LAMA2: variants seen among roughly 807,000 people sequenced by gnomAD.
The protein encoded by LAMA2 is laminin subunit alpha-2.
LAMA2 carries 269 observed loss-of-function variants against 364.8 expected under a neutral mutation model. The observed-to-expected ratio is 0.74, with a 90% CI of 0.67 to 0.82. LAMA2 has a LOEUF of 0.82. LAMA2 is among the 40% of genes least tolerant of loss of function. The pLI is 0.00. For missense variants in LAMA2, 3,807 were observed against 3,873.2 expected (o/e 0.98, Z 0.45); for synonymous variants, 1,379 against 1,370.6 (o/e 1.01, Z -0.14).
At chr6:128,912,638 C>G (rs1778043702) in intron 1 of LAMA2, among the ~76,000 whole-genome samples, 1 of 152,116 alleles carries the variant, frequency 6.6e-6, no homozygotes, top group Admixed American at 6.5e-5. Context: ...AATGAGAAGT[C>G]ATTTTAAACT....
intron 1 of LAMA2, among the ~76,000 whole-genome samples, chr6:128,986,516 A>G (rs1783247934): frequency 1.3e-5 from 2 of 152,244 alleles, no homozygotes; most frequent in South Asian, 4.1e-4. Flanking sequence ...TAAATTCATT[A>G]ATTTCATATT....
At chr6:129,350,998 A>G (rs966886791) in intron 31 of LAMA2, among the ~76,000 whole-genome samples, 1 of 152,142 alleles carries the variant, frequency 6.6e-6, no homozygotes, top group Non-Finnish European at 1.5e-5. Flanking sequence ...AAATATTTCC[A>G]TTTGTTCTGA....
Position 129,502,740 on chromosome 6 carries a change from A to G in LAMA2, c.8326A>G (p.Ile2776Val), listed in dbSNP as rs569286697. The change falls in exon 59 of 65, where the codon ATT (isoleucine) becomes GTT (valine). Residue 2776 changes from isoleucine to valine, a missense_variant. This residue lies in a region of LAMA2 where 3,333 missense variants were observed against 3,345.7 expected (regional missense o/e 1.00). Coordinates refer to ENST00000421865, the MANE Select transcript of LAMA2 (RefSeq NM_000426.4). ...FGLSRNSHIA[I>V]AFDDTKVKNR... ...GCTTTCAAGAAACAGTCACATTGCAATTGCATTTGATGACACCAAAGTTAA... is the reference window on the plus strand; with the variant it reads ...GCTTTCAAGAAACAGTCACATTGCAGTTGCATTTGATGACACCAAAGTTAA... 2.5e-6 allele frequency: 4 copies of G among 1,613,408 alleles called. No homozygotes were observed. The highest frequency in any genetic ancestry group is 2.7e-5 in the African/African-American group (2 of 74,912).
At chr6:129,373,520 C>G (rs1778204418) in intron 34 of LAMA2, among the ~76,000 whole-genome samples, 1 of 151,984 alleles carries the variant, frequency 6.6e-6, no homozygotes, top group Admixed American at 6.6e-5. Flanking sequence ...GAAATATTAC[C>G]ATTAACCCAA....
chr6:129,186,654 A>AT (rs1413781237), intron 10 of LAMA2, among the ~76,000 whole-genome samples: 1 of 151,374 alleles, frequency 6.6e-6, no homozygotes, highest in Non-Finnish European at 1.5e-5. Flanking sequence ...TTTCTGTCTT[A>AT]TTTTTTTCTT....
chr6:129,140,350 T>TC (rs931031029), intron 4 of LAMA2, among the ~76,000 whole-genome samples: 120 of 152,074 alleles, frequency 7.9e-4, no homozygotes, highest in African/African-American at 2.7e-3. Flanking sequence ...TGATAAGGTT[T>TC]CCCCCCCTTT....
At chr6:129,451,122 A>G (rs1782654582) in intron 45 of LAMA2, among the ~76,000 whole-genome samples, 1 of 152,172 alleles carries the variant, frequency 6.6e-6, no homozygotes, top group Admixed American at 6.5e-5. Flanking sequence ...ATTGTATCAC[A>G]GAACACCCTT....
At chr6:129,232,575 A>C (rs1784730916) in intron 12 of LAMA2, among the ~76,000 whole-genome samples, 1 of 152,124 alleles carries the variant, frequency 6.6e-6, no homozygotes, top group Admixed American at 6.6e-5. Flanking sequence ...ATAGCAATGG[A>C]TTTCAAATTA....
rs923152198 is a variant in LAMA2 at position 129,252,130 on chromosome 6, A to G, written c.1931A>G (p.His644Arg). The change falls in exon 14 of 65, where the codon CAC becomes CGC. Residue 644 changes from histidine to arginine, a missense_variant. By Grantham distance (29) the His-to-Arg change is conservative. This residue lies in a region of LAMA2 where 3,333 missense variants were observed against 3,345.7 expected (regional missense o/e 1.00). Transcript: ENST00000421865. Reference sequence around the variant, plus strand: ...ACAGCCCAAGATGAGGTGTACCTGCACCCATCTGAAGAACATACTAATGTA... The same window carrying G: ...ACAGCCCAAGATGAGGTGTACCTGCGCCCATCTGAAGAACATACTAATGTA... ...ISTAQDEVYLHPSEEHTNVLL... is the reference protein window; with the variant it reads ...ISTAQDEVYLRPSEEHTNVLL... The G allele has an allele frequency of 6.2e-7, 1 of 1,613,458 alleles. No homozygotes were observed. Among genetic ancestry groups the G allele is most frequent in the African/African-American group, 1.3e-5 (1 of 74,862 alleles).
In LAMA2 at chr6:129,267,111, T is replaced by G; in HGVS notation, c.2214T>G (p.Cys738Trp). 6.2e-7 allele frequency: 1 copy of G among 1,605,550 alleles called. No homozygotes were observed. The highest frequency in any genetic ancestry group is 8.5e-7 in the Non-Finnish European group (1 of 1,172,324). The change falls in exon 16 of 65, where the codon TGT becomes TGG. Residue 738 changes from cysteine (C) to tryptophan (W), a missense_variant. Cys to Trp is a radical substitution (Grantham distance 215). Coordinates refer to ENST00000421865, the MANE Select transcript of LAMA2 (RefSeq NM_000426.4). ...AAGCCTTATCTTTCTCTCAGTCTTG[T>G]TGGCCTAGGCACAGGCGAGTTAACG... is the stretch of plus-strand genomic sequence containing the variant. ...PGYTGSSCES[C>W]WPRHRRVNGT...
intron 54 of LAMA2, among the ~76,000 whole-genome samples, chr6:129,480,783 C>G (rs766662315): frequency 3.9e-5 from 6 of 152,106 alleles, no homozygotes; most frequent in Non-Finnish European, 8.8e-5. Flanking sequence ...GGTCTTATCA[C>G]TGGGGAAAAA....
intron 1 of LAMA2, among the ~76,000 whole-genome samples, chr6:128,978,836 G>T (rs71568933): frequency 0.21 from 31,920 of 152,136 alleles, 4,278 homozygotes; most frequent in Non-Finnish European, 0.31. Flanking sequence ...GGCAAATTCG[G>T]GTAAGACAGA....
chr6:128,938,317 G>A (rs1269640351), intron 1 of LAMA2, among the ~76,000 whole-genome samples: 2 of 152,132 alleles, frequency 1.3e-5, no homozygotes, highest in African/African-American at 2.4e-5. Flanking sequence ...ATAGTTCACA[G>A]CATACAGTAT....
intron 41 of LAMA2, among the ~76,000 whole-genome samples, chr6:129,434,959 A>G (rs1781765168): frequency 6.6e-6 from 1 of 152,096 alleles, no homozygotes; most frequent in Admixed American, 6.6e-5. Context: ...TTAAAAAAAA[A>G]TCAGAACAGG....
chr6:129,382,664 A>C (rs941317529), intron 34 of LAMA2, among the ~76,000 whole-genome samples: 3 of 152,142 alleles, frequency 2.0e-5, no homozygotes, highest in African/African-American at 7.2e-5. Context: ...TAACGTATTG[A>C]TCTAAAACAA....
chr6:128,964,360 T>C (rs1469114841), intron 1 of LAMA2, among the ~76,000 whole-genome samples: 4 of 152,072 alleles, frequency 2.6e-5, no homozygotes, highest in East Asian at 1.9e-4. Context: ...TAGGCTCTAA[T>C]TGAAGTTTGA....
At chr6:129,220,849 C>G (rs1583279638) in intron 12 of LAMA2, among the ~76,000 whole-genome samples, 1 of 152,128 alleles carries the variant, frequency 6.6e-6, no homozygotes, top group East Asian at 1.9e-4. Context: ...GCTGTGAAAA[C>G]TATTATTACT....
At chr6:128,884,128 T>G (rs542758416) in intron 1 of LAMA2, among the ~76,000 whole-genome samples, 2 of 152,278 alleles carry the variant, frequency 1.3e-5, no homozygotes, top group African/African-American at 4.8e-5. Context: ...CTTAAATAAC[T>G]TATTCTCCTC....
rs758766668 is a variant in LAMA2 at position 129,033,410 on chromosome 6, C to G, written c.113-16508C>G. Among the ~76,000 whole-genome samples the G allele has an allele frequency of 5.8e-4, 89 of 152,166 alleles. 2 individuals are homozygous for G. The highest frequency in any genetic ancestry group is 3.7e-3 in the Admixed American group (57 of 15,248). On this transcript the variant is annotated intron_variant, in intron 1 of 64. Coordinates refer to ENST00000421865, the MANE Select transcript of LAMA2 (RefSeq NM_000426.4). ...ATGGGGAACAGCATCTTTCCTGATG[C>G]TGTTGTATTCATCAAAGCATAGATG... is the stretch of plus-strand genomic sequence containing the variant.
Sources: allele counts gnomAD v4.1 joint callset (sites outside exome capture counted in the v4.1 genomes callset), GRCh38; gene constraint gnomAD v4.1.1; regional missense constraint gnomAD v4.1.1; transcripts MANE v1.5; gene names NCBI Gene and HGNC (gene_info 2026-07-23, HGNC 2026-07-21).